PTPRD: variants seen among roughly 807,000 people sequenced by gnomAD.
The protein encoded by PTPRD is protein tyrosine phosphatase receptor type D, also known as receptor-type tyrosine-protein phosphatase delta.
Under a neutral mutation model 214.5 loss-of-function variants are expected in PTPRD, and 34 were observed. The ratio of observed to expected loss-of-function variants is 0.16; its 90% CI spans 0.12 to 0.21. The LOEUF is 0.21. Among genes scored for constraint, PTPRD ranks in the 10% least tolerant of loss-of-function variants. The pLI is 1.00. For synonymous variants in PTPRD, 1,128 were observed against 845.7 expected, an observed-to-expected ratio of 1.33 and a Z score of -5.79; for missense variants, 2,545 against 2,398.7, an observed-to-expected ratio of 1.06 and a Z score of -1.27.
At chr9:9,541,092 A>T (rs2077495286) in intron 8 of PTPRD, among the ~76,000 whole-genome samples, 1 of 151,818 alleles carries the variant, frequency 6.6e-6, no homozygotes, top group African/African-American at 2.4e-5. Flanking sequence ...GGAAGAGGAG[A>T]AATACACGGT....
chr9:8,571,153 G>C (rs1391098517), intron 14 of PTPRD, among the ~76,000 whole-genome samples: 1 of 152,048 alleles, frequency 6.6e-6, no homozygotes, highest in Non-Finnish European at 1.5e-5. Flanking sequence ...TTTATCACCA[G>C]AGTTGAACAA....
chr9:9,357,733 A>C (rs2054376377), intron 9 of PTPRD, among the ~76,000 whole-genome samples: 1 of 151,144 alleles, frequency 6.6e-6, no homozygotes, highest in Admixed American at 6.6e-5. Flanking sequence ...AAAATGACAC[A>C]GTTAAGAGGG....
chr9:10,550,173 A>T (rs1590681182), intron 2 of PTPRD, among the ~76,000 whole-genome samples: 1 of 152,234 alleles, frequency 6.6e-6, no homozygotes, highest in Admixed American at 6.5e-5. Flanking sequence ...ATTTCCTATA[A>T]CTTTCACTAC....
chr9:9,010,734 A>T (rs1042366433), intron 11 of PTPRD, among the ~76,000 whole-genome samples: 1 of 151,990 alleles, frequency 6.6e-6, no homozygotes, highest in Non-Finnish European at 1.5e-5. Context: ...TCCCTCTGTA[A>T]ATAGTCAATT....
rs1336099691 is a variant in PTPRD at position 9,613,127 on chromosome 9, C to CATAT, written c.-286-38347_-286-38346insATAT. The stretch of plus-strand genomic sequence containing the variant: ...CATATAATAGCTAGGCTGCAGTATA[C>CATAT]ATACATACATATATATATATATATA... On this transcript the variant is annotated intron_variant, in intron 7 of 45. Transcript: ENST00000381196. Among the ~76,000 whole-genome samples, 41 of 39,108 alleles carry CATAT rather than the reference C, an allele frequency of 1.0e-3. 2 individuals are homozygous for CATAT. Among genetic ancestry groups the CATAT allele is most frequent in the Admixed American group, 1.4e-3 (4 of 2,898 alleles). The allele number at this position is 39,108 out of a possible 152,430, so 25.7% of individuals were successfully genotyped here.
intron 10 of PTPRD, among the ~76,000 whole-genome samples, chr9:9,168,860 G>C (rs1313561171): frequency 1.3e-5 from 2 of 151,666 alleles, no homozygotes; most frequent in African/African-American, 2.4e-5. Flanking sequence ...ATTAAGTACT[G>C]TCTTTTAGAT....
chr9:9,741,399 A>T (rs1293713089), intron 6 of PTPRD, among the ~76,000 whole-genome samples: 1 of 152,082 alleles, frequency 6.6e-6, no homozygotes, highest in Non-Finnish European at 1.5e-5. Flanking sequence ...TTTTATTTTT[A>T]TGAACTTTAC....
At chr9:9,709,155 C>A (rs1595745444) in intron 7 of PTPRD, among the ~76,000 whole-genome samples, 1 of 151,898 alleles carries the variant, frequency 6.6e-6, no homozygotes, top group East Asian at 1.9e-4. Context: ...AATACCAAAA[C>A]AAACTGAATA....
intron 3 of PTPRD, among the ~76,000 whole-genome samples, chr9:10,260,972 A>G (rs1462927235): frequency 2.0e-5 from 3 of 148,272 alleles, no homozygotes; most frequent in Non-Finnish European, 3.0e-5. Context: ...GTATATATAT[A>G]TGTGTGTATA....
chr9:8,697,421 T>A, intron 12 of PTPRD, among the ~76,000 whole-genome samples: 1 of 139,294 alleles, frequency 7.2e-6, no homozygotes, highest in African/African-American at 2.6e-5. Context: ...TATGTACTTT[T>A]TTTTTTTTTT....
intron 10 of PTPRD, among the ~76,000 whole-genome samples, chr9:9,143,168 A>T (rs2099863147): frequency 6.6e-6 from 1 of 152,186 alleles, no homozygotes; most frequent in Admixed American, 6.5e-5. Context: ...TCATTGGAGC[A>T]TGCTATTTGT....
chr9:8,759,587 G>T (rs576071902), intron 11 of PTPRD, among the ~76,000 whole-genome samples: 14 of 147,946 alleles, frequency 9.5e-5, no homozygotes, highest in African/African-American at 3.5e-4. Flanking sequence ...TTAATCTGCT[G>T]TTGGCATCTT....
At chr9:8,764,341 T>A (rs186773188) in intron 11 of PTPRD, among the ~76,000 whole-genome samples, 11 of 152,344 alleles carry the variant, frequency 7.2e-5, no homozygotes, top group African/African-American at 2.6e-4. Flanking sequence ...AAAGGCCTCT[T>A]CATTAAAAAC....
At chr9:10,421,830 T>G (rs1343699499) in intron 2 of PTPRD, among the ~76,000 whole-genome samples, 1 of 151,860 alleles carries the variant, frequency 6.6e-6, no homozygotes, top group Non-Finnish European at 1.5e-5. Flanking sequence ...ATTTTTATAT[T>G]TTTTTCTGCT....
chr9:8,770,406 A>C, intron 11 of PTPRD, among the ~76,000 whole-genome samples: 1 of 152,264 alleles, frequency 6.6e-6, no homozygotes, highest in Middle Eastern at 3.4e-3. Flanking sequence ...AATACAAGAA[A>C]ATTTATTCAA....
intron 11 of PTPRD, among the ~76,000 whole-genome samples, chr9:8,852,038 T>C (rs138348499): frequency 2.2e-5 from 3 of 137,240 alleles, no homozygotes; most frequent in Non-Finnish European, 4.6e-5. Flanking sequence ...AGTTAATAAA[T>C]GAAATCCATC....
chr9:9,865,297 G>A (rs1228627790), intron 5 of PTPRD, among the ~76,000 whole-genome samples: 2 of 152,206 alleles, frequency 1.3e-5, no homozygotes, highest in African/African-American at 2.4e-5. Context: ...AGTATTGAGA[G>A]GCGGAGGCTT....
chr9:8,974,916 G>A (rs941882439), intron 11 of PTPRD, among the ~76,000 whole-genome samples: 3 of 151,602 alleles, frequency 2.0e-5, no homozygotes, highest in Non-Finnish European at 4.4e-5. Flanking sequence ...GGCCAACATC[G>A]TGAAACCCCG....
At chr9:8,322,290 T>C (rs1587418873) in intron 44 of PTPRD, among the ~76,000 whole-genome samples, 2 of 151,866 alleles carry the variant, frequency 1.3e-5, no homozygotes, top group East Asian at 3.9e-4. Context: ...AATCACAAAC[T>C]AGAAATAATT....
Sources: gnomAD v4.1 joint callset for allele counts (sites outside exome capture counted in the v4.1 genomes callset) on GRCh38, gnomAD v4.1.1 for gene constraint, MANE v1.5 for transcripts, NCBI Gene and HGNC (gene_info 2026-07-23, HGNC 2026-07-21) for gene names.